Variants in RERE observed in about 807,000 individuals in gnomAD.
RERE encodes arginine-glutamic acid dipeptide repeats protein.
A neutral mutation model predicts 146.1 loss-of-function variants in RERE; 40 were observed. The observed-to-expected ratio is 0.27, with a 90% CI of 0.21 to 0.36. The LOEUF is 0.36. Among genes scored for constraint, RERE ranks in the 10% least tolerant of loss-of-function variants. RERE has a pLI of 1.00. For missense variants in RERE, 1,933 were observed against 2,138.7 expected (o/e 0.90, Z 1.90); for synonymous variants, 1,003 against 866.0 (o/e 1.16, Z -2.78).
chr1:8,438,388 C>A (rs570471825), intron 11 of RERE, among the ~76,000 whole-genome samples: 32 of 152,306 alleles, frequency 2.1e-4, no homozygotes, highest in Admixed American at 7.8e-4. Context: ...ACATCTGTTA[C>A]AACAGCATAT....
At chr1:8,473,509 CAA>C (rs1394777930) in intron 10 of RERE, among the ~76,000 whole-genome samples, 1 of 152,178 alleles carries the variant, frequency 6.6e-6, no homozygotes, top group Non-Finnish European at 1.5e-5. Context: ...TCCACTATAA[CAA>C]AAGTAACCAC....
At chr1:8,369,844 C>T (rs1641964390) in intron 12 of RERE, among the ~76,000 whole-genome samples, 2 of 152,134 alleles carry the variant, frequency 1.3e-5, no homozygotes, top group South Asian at 4.1e-4. Flanking sequence ...GGCTGGAGTG[C>T]AGTGGCACGA....
At chr1:8,648,144 T>C (rs965674018) in intron 2 of RERE, among the ~76,000 whole-genome samples, 2 of 152,198 alleles carry the variant, frequency 1.3e-5, no homozygotes, top group Non-Finnish European at 2.9e-5. Flanking sequence ...CACCAAAGAT[T>C]AGTTGTGGCT....
chr1:8,421,660 C>T (rs1643911533), intron 12 of RERE, among the ~76,000 whole-genome samples: 1 of 152,154 alleles, frequency 6.6e-6, no homozygotes, highest in South Asian at 2.1e-4. Context: ...AGAAAAACAG[C>T]TCATTTTTAA....
chr1:8,554,242 T>C (rs1403428654), intron 6 of RERE, among the ~76,000 whole-genome samples: 1 of 152,206 alleles, frequency 6.6e-6, no homozygotes, highest in Non-Finnish European at 1.5e-5. Context: ...ATATGTTGAT[T>C]TTAAGCATTT....
chr1:8,531,756 C>T (rs773470367), intron 7 of RERE, among the ~76,000 whole-genome samples: 43 of 152,170 alleles, frequency 2.8e-4, no homozygotes, highest in Middle Eastern at 3.4e-3. Context: ...CTAAGAGTCC[C>T]CTCCCCAATT....
At position 8,525,860 on chromosome 1, in the gene RERE, A is replaced by G. The variant is rs991353569; in HGVS notation, c.830+15354T>C. 8.1e-6 allele frequency: 12 copies of G among 1,486,354 alleles called. No individual in the cohort carries two copies. The African/African-American group carries it at 1.0e-4, about 12-fold the overall frequency. 92.1% of individuals were successfully genotyped at this position (1,486,354 alleles called of 1,614,324 possible). A position where few individuals can be genotyped will look rare whatever the true frequency, so the allele number is the denominator to read the frequency against. ...CTGCTAAAACTCTGCCCTTTTCTAC[A>G]CTAACAACTCAAAATGGAGGCACAT... On this transcript the variant is annotated intron_variant, in intron 7 of 22. Coordinates refer to ENST00000400908, the MANE Select transcript of RERE (RefSeq NM_001042681.2).
rs113761087 is a variant in RERE, at chr1:8,598,370, G to C, written c.522+16191C>G. Among the ~76,000 whole-genome samples, 1,443 of 152,272 alleles carry C rather than the reference G, an allele frequency of 9.5e-3. 24 individuals carry two copies. Among genetic ancestry groups the C allele is most frequent in the African/African-American group, 0.033 (1,388 of 41,550 alleles). Reference sequence around the variant, plus strand: ...GAGAAGATGGCGCTGATTCCAGCAGGTGACAGGTGGGACGTGAAGGGCATT... The same window carrying C: ...GAGAAGATGGCGCTGATTCCAGCAGCTGACAGGTGGGACGTGAAGGGCATT... On this transcript the variant is annotated intron_variant, in intron 4 of 22. Coordinates refer to ENST00000400908, the MANE Select transcript of RERE (RefSeq NM_001042681.2).
At chr1:8,568,851 C>T (rs1646183787) in intron 4 of RERE, among the ~76,000 whole-genome samples, 1 of 152,290 alleles carries the variant, frequency 6.6e-6, no homozygotes, top group Non-Finnish European at 1.5e-5. Context: ...ATCCATCTGT[C>T]TATCTTTCTA....
intron 7 of RERE, among the ~76,000 whole-genome samples, chr1:8,520,752 TTTAAAAAAAAAAAA>T (rs1645483729): frequency 1.4e-4 from 2 of 14,764 alleles, no homozygotes; most frequent in Non-Finnish European, 3.4e-4. Flanking sequence ...CAAAAAACTT[TTTAAAAAAAAAAAA>T]AAAAAAAAAA....
chr1:8,369,451 T>C (rs2124384987), intron 12 of RERE, among the ~76,000 whole-genome samples: 1 of 131,262 alleles, frequency 7.6e-6, no homozygotes, highest in South Asian at 2.3e-4. Flanking sequence ...GTGCCAAGGA[T>C]GAAAATGACC....
At chr1:8,519,140 GGTGGCCAAGGTGGGTGGGTCCCTT>G (rs975348404) in intron 7 of RERE, among the ~76,000 whole-genome samples, 1 of 152,128 alleles carries the variant, frequency 6.6e-6, no homozygotes, top group African/African-American at 2.4e-5. Context: ...CAGCACTTTG[GGTGGCCAAGGTGGGTGGGTCCCTT>G]GTGCCCAGGA....
intron 1 of RERE, among the ~76,000 whole-genome samples, chr1:8,768,335 C>T (rs976288083): frequency 6.6e-6 from 1 of 152,126 alleles, no homozygotes; most frequent in Non-Finnish European, 1.5e-5. Flanking sequence ...TTGTATAAAC[C>T]ACAATATCCA....
chr1:8,684,316 T>C (rs1421261489), intron 1 of RERE, among the ~76,000 whole-genome samples: 3 of 152,108 alleles, frequency 2.0e-5, no homozygotes, highest in Non-Finnish European at 4.4e-5. Context: ...TATTAAAATA[T>C]CCACTTTAAT....
At chr1:8,504,487 A>G (rs887157483) in intron 8 of RERE, among the ~76,000 whole-genome samples, 1 of 152,234 alleles carries the variant, frequency 6.6e-6, no homozygotes, top group Non-Finnish European at 1.5e-5. Context: ...ATTTATTTGT[A>G]CAAGGAATAA....
intron 1 of RERE, chr1:8,799,473 G>C (rs1641544893): frequency 4.9e-6 from 1 of 202,644 alleles, no homozygotes; most frequent in Non-Finnish European, 1.1e-5. Flanking sequence ...AGACAGTCAA[G>C]AACAAGTGGT....
chr1:8,704,112 C>G (rs1569588128), intron 1 of RERE, among the ~76,000 whole-genome samples: 2 of 152,188 alleles, frequency 1.3e-5, no homozygotes, highest in Admixed American at 6.5e-5. Flanking sequence ...TCCAAACTCC[C>G]TCATTAATTC....
At chr1:8,544,330 GT>G (rs1286646273) in intron 6 of RERE, among the ~76,000 whole-genome samples, 1 of 151,712 alleles carries the variant, frequency 6.6e-6, no homozygotes, top group African/African-American at 2.4e-5. Flanking sequence ...TTCCTTCTTT[GT>G]ACATTTTTAT....
chr1:8,515,405 G>A (rs962379861), intron 7 of RERE, among the ~76,000 whole-genome samples: 1 of 149,220 alleles, frequency 6.7e-6, no homozygotes, highest in Admixed American at 6.6e-5. Flanking sequence ...CCTGAGGCAG[G>A]CAGGTCACCT....
Sources: gnomAD v4.1 joint callset for allele counts (sites outside exome capture counted in the v4.1 genomes callset) on GRCh38, gnomAD v4.1.1 for gene constraint, MANE v1.5 for transcripts, NCBI Gene and HGNC (gene_info 2026-07-23, HGNC 2026-07-21) for gene names.